The following STIM1 variants were observed in gnomAD, a reference collection of about 807,000 sequenced individuals.
The protein encoded by STIM1 is stromal interaction molecule 1.
A neutral mutation model predicts 74.7 loss-of-function variants in STIM1; 25 were observed. The observed-to-expected ratio is 0.33, with a 90% CI of 0.24 to 0.47. The LOEUF is 0.47. Ranked by LOEUF, STIM1 falls within the 20% of genes least tolerant of loss-of-function variation. STIM1 has a pLI of 1.00. For synonymous variants in STIM1, 328 were observed against 348.8 expected, an observed-to-expected ratio of 0.94 and a Z score of 0.66; for missense variants, 728 against 920.8, an observed-to-expected ratio of 0.79 and a Z score of 2.71.
intron 1 of STIM1, chr11:3,892,272 G>C: frequency 1.5e-6 from 1 of 665,664 alleles, no homozygotes; most frequent in Middle Eastern, 4.3e-4. Context: ...GGAGCCCAAA[G>C]GGAACTGCAG....
intron 1 of STIM1, among the ~76,000 whole-genome samples, chr11:3,867,811 C>A (rs2090915035): frequency 6.6e-6 from 1 of 152,126 alleles, no homozygotes; most frequent in Non-Finnish European, 1.5e-5. Context: ...TTGTGTTGAT[C>A]TCTGGCCTAG....
chr11:3,875,758 A>C (rs1180533722), intron 1 of STIM1, among the ~76,000 whole-genome samples: 6 of 151,942 alleles, frequency 3.9e-5, no homozygotes, highest in Non-Finnish European at 5.9e-5. Flanking sequence ...ACAACAACAA[A>C]AAAATCAAAC....
intron 5 of STIM1, among the ~76,000 whole-genome samples, chr11:4,068,202 G>A (rs2094380533): frequency 6.6e-6 from 1 of 152,166 alleles, no homozygotes; most frequent in Admixed American, 6.5e-5. Context: ...TGACTTGGAT[G>A]AGAATATGAA....
intron 1 of STIM1, among the ~76,000 whole-genome samples, chr11:3,928,980 C>A (rs1225500874): frequency 6.6e-6 from 1 of 152,202 alleles, no homozygotes; most frequent in African/African-American, 2.4e-5. Flanking sequence ...AAGCAATTCT[C>A]CTGCCTCAGC....
chr11:3,987,561 G>C (rs898376615), intron 2 of STIM1, among the ~76,000 whole-genome samples: 1 of 152,054 alleles, frequency 6.6e-6, no homozygotes, highest in Admixed American at 6.6e-5. Flanking sequence ...TCTTTCCTTC[G>C]AGGACCAACT....
chr11:3,921,278 C>A (rs11030266), intron 1 of STIM1, among the ~76,000 whole-genome samples: 6 of 152,060 alleles, frequency 3.9e-5, no homozygotes, highest in Non-Finnish European at 1.5e-5. Context: ...GGTTATACTT[C>A]GATATTTGGC....
intron 1 of STIM1, among the ~76,000 whole-genome samples, chr11:3,918,785 G>T (rs563115444): frequency 6.6e-6 from 1 of 152,206 alleles, no homozygotes. Context: ...GGTTCCTTAA[G>T]GGAAGAAGAT....
chr11:4,089,488 G>T (rs2094511309), intron 12 of STIM1, among the ~76,000 whole-genome samples: 1 of 152,180 alleles, frequency 6.6e-6, no homozygotes, highest in Non-Finnish European at 1.5e-5. Context: ...GGGGCTTAGA[G>T]AAACAAGGAC....
At chr11:4,058,518 C>T (rs1163139059) in intron 4 of STIM1, among the ~76,000 whole-genome samples, 1 of 152,300 alleles carries the variant, frequency 6.6e-6, no homozygotes, top group Admixed American at 6.5e-5. Flanking sequence ...ACTTGTGGGA[C>T]CTAGACCAGT....
intron 12 of STIM1, among the ~76,000 whole-genome samples, chr11:4,090,666 G>C (rs945630356): frequency 6.6e-6 from 1 of 152,210 alleles, no homozygotes; most frequent in African/African-American, 2.4e-5. Flanking sequence ...AGGAGTAAGT[G>C]GGGAAGGAAG....
intron 4 of STIM1, 79 bp from the exon 5 acceptor site, chr11:4,059,202 G>A: frequency 8.2e-7 from 1 of 1,226,206 alleles, no homozygotes; most frequent in Non-Finnish European, 1.2e-6. Context: ...AAGTGTTCCT[G>A]GGGGAGGCGG....
At chr11:3,968,690 T>C (rs2093363101) in intron 2 of STIM1, among the ~76,000 whole-genome samples, 1 of 152,214 alleles carries the variant, frequency 6.6e-6, no homozygotes, top group African/African-American at 2.4e-5. Context: ...TAAAGTCTAG[T>C]GAAGAGACTT....
chr11:4,039,679 AATGTCCATCTGTAATCTCAAAAT>A (rs1463009347), intron 3 of STIM1, among the ~76,000 whole-genome samples: 15 of 152,080 alleles, frequency 9.9e-5, no homozygotes, highest in Admixed American at 6.5e-4. Context: ...ATTGAAATTA[AATGTCCATCTGTAATCTCAAAAT>A]GAATTACCTT....
intron 2 of STIM1, among the ~76,000 whole-genome samples, chr11:4,009,616 T>C (rs1749222010): frequency 6.6e-6 from 1 of 150,856 alleles, no homozygotes; most frequent in South Asian, 2.1e-4. Context: ...CTCAAAATAA[T>C]AATAATAATA....
In STIM1 at chr11:3,980,686, A is replaced by ACAACAACAACAAC. The variant is rs1319797329; in HGVS notation, c.270+13004_270+13005insCAACAACAACAAC. Among the ~76,000 whole-genome samples the ACAACAACAACAAC allele has an allele frequency of 3.7e-3, 563 of 150,896 alleles. 1 individual carries two copies. Among genetic ancestry groups the ACAACAACAACAAC allele is most frequent in the East Asian group, 9.8e-3 (50 of 5,110 alleles). ...ACAACAACAACAACAACAACAAAAA[A>ACAACAACAACAAC]AAACAAATAGAAACAAAAGGAAAAA... is the stretch of plus-strand genomic sequence containing the variant. On this transcript the variant is annotated intron_variant, in intron 2 of 12. Transcript: ENST00000526596.
At chr11:3,925,688 T>A (rs772014203) in intron 1 of STIM1, among the ~76,000 whole-genome samples, 2 of 152,220 alleles carry the variant, frequency 1.3e-5, no homozygotes, top group Non-Finnish European at 2.9e-5. Context: ...TTATGCCTGC[T>A]TGTATAAATA....
chr11:3,862,161 T>C (rs2135213579), intron 1 of STIM1, among the ~76,000 whole-genome samples: 2 of 152,202 alleles, frequency 1.3e-5, no homozygotes, highest in African/African-American at 4.8e-5. Context: ...TAATAATAAA[T>C]TGAATACCCT....
intron 1 of STIM1, among the ~76,000 whole-genome samples, chr11:3,895,695 TTTC>T (rs2092089854): frequency 3.2e-5 from 1 of 30,850 alleles, no homozygotes; most frequent in African/African-American, 1.9e-4. Context: ...TCTTTCTTTC[TTTC>T]TTTCTTTCTT....
chr11:4,058,415 G>A (rs1388710704), intron 4 of STIM1, among the ~76,000 whole-genome samples: 1 of 152,182 alleles, frequency 6.6e-6, no homozygotes, highest in East Asian at 1.9e-4. Context: ...AAATCACACT[G>A]TGATGTCAGA....
Sources: gnomAD v4.1 joint callset for allele counts (sites outside exome capture counted in the v4.1 genomes callset) on GRCh38, gnomAD v4.1.1 for gene constraint, MANE v1.5 for transcripts, NCBI Gene and HGNC (gene_info 2026-07-23, HGNC 2026-07-21) for gene names.